The following DLG2 variants were observed in gnomAD, a reference collection of about 807,000 sequenced individuals.
The protein encoded by DLG2 is discs large MAGUK scaffold protein 2, also known as disks large homolog 2.
Under a neutral mutation model 132.5 loss-of-function variants are expected in DLG2, and 45 were observed. The ratio of observed to expected loss-of-function variants is 0.34; its 90% CI spans 0.27 to 0.44. The LOEUF (loss-of-function observed/expected upper bound fraction) is 0.44, where lower values mean the gene tolerates loss of function less well. Among genes scored for constraint, DLG2 ranks in the 20% least tolerant of loss-of-function variants. The pLI is 1.00. For missense variants in DLG2, 1,045 were observed against 1,196.9 expected, an observed-to-expected ratio of 0.87 and a Z score of 1.87; for synonymous variants, 424 against 419.6, an observed-to-expected ratio of 1.01 and a Z score of -0.13.
chr11:84,309,880 T>C (rs2098269639), intron 7 of DLG2, among the ~76,000 whole-genome samples: 1 of 152,184 alleles, frequency 6.6e-6, no homozygotes, highest in South Asian at 2.1e-4. Flanking sequence ...CAATAGGTGG[T>C]TCCCAAATAC....
chr11:84,220,780 CTTTTTT>C (rs5793114), intron 8 of DLG2, among the ~76,000 whole-genome samples: 1 of 77,544 alleles, frequency 1.3e-5, no homozygotes, highest in Non-Finnish European at 2.4e-5. Flanking sequence ...TTTTTCTTTT[CTTTTTT>C]TTTTTTTTTT....
chr11:85,270,954 A>T (rs564799882), intron 4 of DLG2, among the ~76,000 whole-genome samples: 10 of 152,266 alleles, frequency 6.6e-5, no homozygotes, highest in African/African-American at 1.9e-4. Flanking sequence ...AGAAAGCAAA[A>T]CCCCATTTTC....
chr11:85,415,219 A>G (rs1480471276), intron 3 of DLG2, among the ~76,000 whole-genome samples: 1 of 152,192 alleles, frequency 6.6e-6, no homozygotes, highest in Non-Finnish European at 1.5e-5. Context: ...ATAGTATTCC[A>G]TGGCATATAT....
chr11:83,641,750 G>A (rs185814976), intron 18 of DLG2, among the ~76,000 whole-genome samples: 88 of 152,236 alleles, frequency 5.8e-4, no homozygotes, highest in East Asian at 4.1e-3. Flanking sequence ...ACTTCAACCC[G>A]ACTTAGCTCA....
chr11:85,100,540 C>T (rs148305058), intron 6 of DLG2, among the ~76,000 whole-genome samples: 26 of 152,030 alleles, frequency 1.7e-4, no homozygotes, highest in African/African-American at 5.5e-4. Context: ...AAGTGATGGC[C>T]GAAAAGATCA....
At chr11:83,590,692 G>C (rs2097172858) in intron 19 of DLG2, among the ~76,000 whole-genome samples, 1 of 152,132 alleles carries the variant, frequency 6.6e-6, no homozygotes, top group Non-Finnish European at 1.5e-5. Flanking sequence ...AAAAATTAAT[G>C]AATCCAGGAG....
At chr11:83,955,216 G>A (rs529222722) in intron 14 of DLG2, among the ~76,000 whole-genome samples, 3 of 152,136 alleles carry the variant, frequency 2.0e-5, no homozygotes, top group African/African-American at 7.2e-5. Context: ...TTTTATAAAC[G>A]GCAACACAGA....
At chr11:85,008,205 G>T (rs1033397972) in intron 6 of DLG2, among the ~76,000 whole-genome samples, 1 of 152,064 alleles carries the variant, frequency 6.6e-6, no homozygotes, top group Non-Finnish European at 1.5e-5. Context: ...AAATTTTAGG[G>T]TTAAAGATAA....
At chr11:84,401,271 A>G (rs1385700508) in intron 7 of DLG2, among the ~76,000 whole-genome samples, 1 of 152,208 alleles carries the variant, frequency 6.6e-6, no homozygotes, top group Admixed American at 6.5e-5. Flanking sequence ...AGACTCTCTT[A>G]CCACATGCCC....
intron 7 of DLG2, among the ~76,000 whole-genome samples, chr11:84,319,158 T>C (rs768095575): frequency 3.3e-5 from 5 of 152,178 alleles, no homozygotes; most frequent in Non-Finnish European, 7.4e-5. Context: ...TTAAAATCAA[T>C]ACCTGAAGAC....
chr11:85,220,186 T>G (rs984895907), intron 4 of DLG2, among the ~76,000 whole-genome samples: 1 of 151,846 alleles, frequency 6.6e-6, no homozygotes, highest in East Asian at 1.9e-4. Context: ...TGATATCAAA[T>G]TTTGGTAACT....
intron 27 of DLG2, 37 bp downstream of exon 27, chr11:83,461,965 C>T: frequency 7.3e-7 from 1 of 1,373,420 alleles, no homozygotes; most frequent in Non-Finnish European, 1.0e-6. Flanking sequence ...GACAATTTAT[C>T]CCCTTTCTCA....
chr11:84,086,537 T>C (rs2096985133), intron 10 of DLG2, among the ~76,000 whole-genome samples: 1 of 150,196 alleles, frequency 6.7e-6, no homozygotes, highest in Non-Finnish European at 1.5e-5. Flanking sequence ...CCACCCTGAC[T>C]GGAGTGTAGT....
At chr11:84,103,685 C>T (rs2092701725) in intron 9 of DLG2, among the ~76,000 whole-genome samples, 1 of 152,114 alleles carries the variant, frequency 6.6e-6, no homozygotes, top group Non-Finnish European at 1.5e-5. Flanking sequence ...ATGTACTGCA[C>T]ACCATCTCCT....
At chr11:83,823,568 T>C (rs986813416) in intron 17 of DLG2, among the ~76,000 whole-genome samples, 2 of 152,174 alleles carry the variant, frequency 1.3e-5, no homozygotes, top group Non-Finnish European at 2.9e-5. Flanking sequence ...AGGGATTAAT[T>C]GGCCAGAGCG....
At chr11:85,377,692 T>G (rs2085512969) in intron 3 of DLG2, among the ~76,000 whole-genome samples, 1 of 151,686 alleles carries the variant, frequency 6.6e-6, no homozygotes. Context: ...TTAAGGCTGT[T>G]TGGCATTTAT....
At chr11:84,815,260 A>G (rs1038134133) in intron 6 of DLG2, among the ~76,000 whole-genome samples, 1 of 152,120 alleles carries the variant, frequency 6.6e-6, no homozygotes, top group Non-Finnish European at 1.5e-5. Context: ...AGAAAACACT[A>G]GAGGAATAAA....
chr11:84,309,682 A>T (rs1395333848), intron 7 of DLG2, among the ~76,000 whole-genome samples: 2 of 152,238 alleles, frequency 1.3e-5, no homozygotes, highest in Non-Finnish European at 2.9e-5. Context: ...TAAGAGATCA[A>T]ATAATATCAG....
rs940670126 is a variant in DLG2, at chr11:84,519,644, G to C, written c.519+14926C>G. ...CTGCTGAGGGCTGCTGTGGAATTGG[G>C]CAGGCCTCACAGACACAATAGATTG... is the stretch of plus-strand genomic sequence containing the variant. On this transcript the variant is annotated intron_variant, in intron 7 of 27. Coordinates refer to ENST00000376104, the MANE Select transcript of DLG2 (RefSeq NM_001142699.3). Among the ~76,000 whole-genome samples the C allele has an allele frequency of 6.6e-5, 10 of 152,130 alleles. No homozygotes were observed. In the East Asian group the frequency reaches 1.7e-3, roughly 26 times the overall value.
Sources: gnomAD v4.1 joint callset for allele counts (sites outside exome capture counted in the v4.1 genomes callset) on GRCh38, gnomAD v4.1.1 for gene constraint, MANE v1.5 for transcripts, NCBI Gene and HGNC (gene_info 2026-07-23, HGNC 2026-07-21) for gene names.